SBF2: variants seen among roughly 807,000 people sequenced by gnomAD.
SBF2 encodes myotubularin-related protein 13.
SBF2 carries 112 observed loss-of-function variants against 225.2 expected under a neutral mutation model. That is an observed-to-expected ratio of 0.50 (90% CI 0.43 to 0.58). The LOEUF is 0.58. SBF2 is among the 20% of genes least tolerant of loss of function. The pLI is 0.00. For missense variants in SBF2, 1,996 were observed against 2,206.2 expected, an observed-to-expected ratio of 0.90 and a Z score of 1.91; for synonymous variants, 763 against 773.3, an observed-to-expected ratio of 0.99 and a Z score of 0.22.
chr11:9,962,751 A>AAG (rs1300338372), intron 15 of SBF2, among the ~76,000 whole-genome samples: 6 of 152,204 alleles, frequency 3.9e-5, no homozygotes, highest in African/African-American at 1.4e-4. Flanking sequence ...TTTACTTCAC[A>AAG]TATAATAATA....
intron 2 of SBF2, among the ~76,000 whole-genome samples, chr11:10,079,989 T>TGTAC (rs1951294641): frequency 1.3e-5 from 1 of 78,678 alleles, no homozygotes; most frequent in African/African-American, 4.1e-5. Context: ...GGCTCATGCC[T>TGTAC]GTAATCCCTG....
chr11:10,063,854 C>CAGAGAGAGAGAGAGAG (rs1213684004), intron 2 of SBF2, among the ~76,000 whole-genome samples: 5 of 126,376 alleles, frequency 4.0e-5, no homozygotes, highest in Non-Finnish European at 6.8e-5. Flanking sequence ...CACACACACA[C>CAGAGAGAGAGAGAGAG]ACACAGAGAG....
At chr11:9,851,167 C>A (rs1417927606) in intron 21 of SBF2, among the ~76,000 whole-genome samples, 2 of 146,130 alleles carry the variant, frequency 1.4e-5, no homozygotes, top group Non-Finnish European at 3.1e-5. Context: ...AAAAAAAAAC[C>A]CAGAATACAT....
intron 14 of SBF2, among the ~76,000 whole-genome samples, chr11:9,967,939 GTCTGTCTGTCTCTCTCTC>G (rs1192447849): frequency 2.9e-5 from 3 of 103,662 alleles, no homozygotes; most frequent in African/African-American, 1.1e-4. Flanking sequence ...CTGTCTGTCT[GTCTGTCTGTCTCTCTCTC>G]TCTCTCTCTC....
chr11:9,942,627 A>C (rs1865321147), intron 16 of SBF2, among the ~76,000 whole-genome samples: 1 of 152,076 alleles, frequency 6.6e-6, no homozygotes, highest in African/African-American at 2.4e-5. Flanking sequence ...ACTTTAATTA[A>C]GACTATGTGA....
chr11:9,853,663 C>A lies in SBF2; in HGVS notation c.2413G>T (p.Asp805Tyr). ...ESYDTESGFEDSENTDIANSV... is the reference protein window; with the variant it reads ...ESYDTESGFEYSENTDIANSV... ...TTGGCAATGTCAGTATTCTCTGAAT[C>A]TTCAAACCCACTCTCTGTATCATAG... The change falls in exon 20 of 40, where the codon GAT (aspartate) becomes TAT (tyrosine). Residue 805 changes from aspartate to tyrosine, a missense_variant. Transcript: ENST00000256190. 6.2e-7 allele frequency: 1 copy of A among 1,614,004 alleles called. No individual in the cohort carries two copies.
At chr11:10,043,143 T>C (rs1441267317) in intron 2 of SBF2, among the ~76,000 whole-genome samples, 162 bp from the exon 3 acceptor site, 1 of 152,232 alleles carries the variant, frequency 6.6e-6, no homozygotes, top group African/African-American at 2.4e-5. Context: ...AGATTCATAA[T>C]GGTGAAAACT....
chr11:9,924,425 CTTATTTAT>C (rs113358504), intron 16 of SBF2, among the ~76,000 whole-genome samples: 2 of 151,884 alleles, frequency 1.3e-5, no homozygotes, highest in African/African-American at 4.8e-5. Flanking sequence ...AAAGCATTTT[CTTATTTAT>C]TTATTTATTT....
intron 1 of SBF2, among the ~76,000 whole-genome samples, chr11:10,204,494 C>G (rs1051714920): frequency 3.3e-5 from 5 of 151,836 alleles, no homozygotes; most frequent in African/African-American, 1.2e-4. Flanking sequence ...CAAAAACTAG[C>G]TGGGTGTGGT....
chr11:9,800,796 T>C (rs1443193253), intron 32 of SBF2, among the ~76,000 whole-genome samples: 1 of 152,214 alleles, frequency 6.6e-6, no homozygotes, highest in African/African-American at 2.4e-5. Context: ...TGAACCCACC[T>C]TGGCCTCCCA....
rs1170055174 is a variant in SBF2, at chr11:9,875,241, AT to A, written c.1930-16846del. Among the ~76,000 whole-genome samples the A allele has an allele frequency of 2.0e-5, 3 of 152,244 alleles. No individual in the cohort carries two copies. In the East Asian group the frequency reaches 5.8e-4, roughly 29 times the overall value. ...AACAGCAGTAATTATCTGGTTAAAA[AT>A]AACCAAGACAGATCCAGTGCTAAGA... On this transcript the variant is annotated intron_variant, in intron 17 of 39. Transcript: ENST00000256190.
At chr11:9,784,070 G>A (rs1382016720) in intron 38 of SBF2, among the ~76,000 whole-genome samples, 1 of 152,040 alleles carries the variant, frequency 6.6e-6, no homozygotes, top group Non-Finnish European at 1.5e-5. Context: ...AGAGATATTT[G>A]AGCATTAAAA....
At chr11:9,930,053 A>G (rs1018474787) in intron 16 of SBF2, among the ~76,000 whole-genome samples, 3 of 152,062 alleles carry the variant, frequency 2.0e-5, no homozygotes, top group African/African-American at 7.2e-5. Context: ...CTTAATACCT[A>G]GGTGATGGGT....
intron 3 of SBF2, among the ~76,000 whole-genome samples, chr11:10,035,045 A>G (rs1949384069): frequency 6.6e-6 from 1 of 152,138 alleles, no homozygotes; most frequent in Non-Finnish European, 1.5e-5. Flanking sequence ...GCTCGCTGCA[A>G]GCTCCACCTC....
At chr11:10,009,287 C>G (rs769262479) in intron 6 of SBF2, among the ~76,000 whole-genome samples, 1 of 152,152 alleles carries the variant, frequency 6.6e-6, no homozygotes, top group Non-Finnish European at 1.5e-5. Flanking sequence ...ACTTTAAGTT[C>G]TGGGATACAT....
At chr11:10,262,682 A>ATG (rs1265541865) in intron 1 of SBF2, among the ~76,000 whole-genome samples, 1 of 152,234 alleles carries the variant, frequency 6.6e-6, no homozygotes, top group Non-Finnish European at 1.5e-5. Context: ...GTCAACTAAA[A>ATG]TGTAAATACA....
intron 2 of SBF2, among the ~76,000 whole-genome samples, chr11:10,173,823 C>T (rs1956329799): frequency 6.6e-6 from 1 of 150,800 alleles, no homozygotes; most frequent in African/African-American, 2.4e-5. Context: ...TGAGAACAGG[C>T]AGACTGCCTC....
intron 17 of SBF2, among the ~76,000 whole-genome samples, chr11:9,890,376 C>T (rs1303187919): frequency 6.6e-6 from 1 of 152,122 alleles, no homozygotes; most frequent in African/African-American, 2.4e-5. Flanking sequence ...CTTCTTCAAA[C>T]AAATCTTTTG....
chr11:10,137,824 T>C (rs1449412644), intron 2 of SBF2, among the ~76,000 whole-genome samples: 1 of 152,018 alleles, frequency 6.6e-6, no homozygotes, highest in Non-Finnish European at 1.5e-5. Context: ...CTAGTCAACA[T>C]GGTGAAACCC....
Sources: allele counts gnomAD v4.1 joint callset (sites outside exome capture counted in the v4.1 genomes callset), GRCh38; gene constraint gnomAD v4.1.1; transcripts MANE v1.5; gene names NCBI Gene and HGNC (gene_info 2026-07-23, HGNC 2026-07-21).